The following ANKHD1 variants were observed in gnomAD, a reference collection of about 807,000 sequenced individuals.
The protein encoded by ANKHD1 is ankyrin repeat and KH domain-containing protein 1.
ANKHD1 carries 31 observed loss-of-function variants against 230.5 expected under a neutral mutation model. The observed-to-expected ratio is 0.13, with a 90% CI of 0.10 to 0.18. ANKHD1 has a LOEUF of 0.18. Among genes scored for constraint, ANKHD1 ranks in the 10% least tolerant of loss-of-function variants. ANKHD1 has a pLI of 1.00. For missense variants in ANKHD1, 2,256 were observed against 3,071.3 expected (o/e 0.73, Z 6.27); for synonymous variants, 1,074 against 1,117.6 (o/e 0.96, Z 0.78).
intron 14 of ANKHD1, among the ~76,000 whole-genome samples, chr5:140,488,710 G>T (rs1233554228): frequency 6.6e-6 from 1 of 152,086 alleles, no homozygotes; most frequent in East Asian, 1.9e-4. Context: ...GACGAGCCTG[G>T]CCGACATGGT....
intron 7 of ANKHD1, among the ~76,000 whole-genome samples, chr5:140,454,525 A>G (rs1029823511): frequency 5.3e-5 from 8 of 152,288 alleles, no homozygotes; most frequent in East Asian, 1.9e-4. Flanking sequence ...TCAGACCACA[A>G]TGCAATCAAA....
intron 10 of ANKHD1, chr5:140,465,105 G>A (rs1268144256): frequency 1.2e-5 from 2 of 161,396 alleles, no homozygotes; most frequent in African/African-American, 2.4e-5. Flanking sequence ...AGAGTAACAA[G>A]TCAAGTCACT....
At chr5:140,504,145 G>T (rs1213394105) in intron 15 of ANKHD1, among the ~76,000 whole-genome samples, 1 of 151,746 alleles carries the variant, frequency 6.6e-6, no homozygotes, top group Admixed American at 6.6e-5. Context: ...CTCCACCTGG[G>T]TTCAAGCAAT....
intron 1 of ANKHD1, among the ~76,000 whole-genome samples, chr5:140,430,867 G>A (rs1021730433): frequency 1.3e-5 from 2 of 151,910 alleles, no homozygotes; most frequent in Non-Finnish European, 1.5e-5. Flanking sequence ...GTCTCACTAT[G>A]TTGCCCAGGC....
chr5:140,537,946 C>G, intron 31 of ANKHD1, 140 bp from the exon 32 acceptor site: 2 of 1,346,208 alleles, frequency 1.5e-6, no homozygotes, highest in South Asian at 1.7e-5. Flanking sequence ...TTTTGGCTAG[C>G]AAGACTGTGA....
intron 24 of ANKHD1, among the ~76,000 whole-genome samples, chr5:140,523,028 G>T (rs1283756285): frequency 2.1e-5 from 3 of 140,448 alleles, no homozygotes; most frequent in Non-Finnish European, 4.6e-5. Flanking sequence ...CTTTATTGAG[G>T]TATATTTGAC....
chr5:140,510,537 T>A (rs1025001425), intron 22 of ANKHD1, among the ~76,000 whole-genome samples: 1 of 151,894 alleles, frequency 6.6e-6, no homozygotes, highest in African/African-American at 2.4e-5. Context: ...GGTCTCAAAC[T>A]CCTGACTTTG....
At position 140,416,361 on chromosome 5, in the gene ANKHD1, A is replaced by G. The variant is rs569502546; in HGVS notation, c.306+14088A>G. Among the ~76,000 whole-genome samples, 6 of 152,310 alleles carry G rather than the reference A, an allele frequency of 3.9e-5. No homozygotes were observed. In the East Asian group the frequency reaches 1.2e-3, roughly 29 times the overall value. Reference sequence around the variant, plus strand: ...AGTTCTAGATCCTTGAGGAATCGCCAAGTTAATTTTTGTATATGGTATAAG... The same window carrying G: ...AGTTCTAGATCCTTGAGGAATCGCCGAGTTAATTTTTGTATATGGTATAAG... On this transcript the variant is annotated intron_variant, in intron 1 of 33. Coordinates refer to ENST00000360839, the MANE Select transcript of ANKHD1 (RefSeq NM_017747.3).
chr5:140,443,530 A>T (rs1774031859), intron 5 of ANKHD1, among the ~76,000 whole-genome samples: 1 of 151,972 alleles, frequency 6.6e-6, no homozygotes, highest in African/African-American at 2.4e-5. Context: ...CTCTACTAAA[A>T]ATGCAAAAAA....
intron 3 of ANKHD1, 113 bp downstream of exon 3, chr5:140,438,730 G>A (rs1398187137): frequency 2.2e-6 from 3 of 1,357,278 alleles, no homozygotes; most frequent in Non-Finnish European, 2.9e-6. Context: ...TTAGCTGAAA[G>A]GATATTACAT....
In ANKHD1 at chr5:140,538,168, A is replaced by G; in HGVS notation, c.7311A>G (p.Gln2437=). 1.2e-6 allele frequency: 2 copies of G among 1,614,168 alleles called. No homozygotes were observed. The highest frequency in any genetic ancestry group is 1.7e-6 in the Non-Finnish European group (2 of 1,180,022). Residue 2437 remains glutamine (Q), a synonymous_variant, in exon 32 of 34, where the codon CAA becomes CAG. Coordinates refer to ENST00000360839, the MANE Select transcript of ANKHD1 (RefSeq NM_017747.3). Reference sequence around the variant, plus strand: ...TATCAGACCCAAGCACATTCTCCCAACATCAGCCAATGGAGAGAGATGATT... The same window carrying G: ...TATCAGACCCAAGCACATTCTCCCAGCATCAGCCAATGGAGAGAGATGATT... The part of the protein sequence containing the change: ...QQLSDPSTFS[Q]HQPMERDDSG...
At chr5:140,524,683 C>T (rs1390821420) in intron 25 of ANKHD1, among the ~76,000 whole-genome samples, 1 of 152,142 alleles carries the variant, frequency 6.6e-6, no homozygotes, top group East Asian at 1.9e-4. Flanking sequence ...ATTGTACTGT[C>T]TGGCAGTGCT....
rs886875963 is a variant in ANKHD1 at position 140,431,652 on chromosome 5, G to A, written c.307-4452G>A. Among the ~76,000 whole-genome samples the A allele has an allele frequency of 2.6e-5, 4 of 152,266 alleles. 1 individual carries two copies. The South Asian group carries it at 8.3e-4, about 32-fold the overall frequency. ...TATTATGTCTGAATTTACACACAAT[G>A]CCTGATAGAACTGGTACTTGAACCT... On this transcript the variant is annotated intron_variant, in intron 1 of 33. Coordinates refer to ENST00000360839, the MANE Select transcript of ANKHD1 (RefSeq NM_017747.3).
chr5:140,447,824 T>C (rs1311172129), intron 6 of ANKHD1, among the ~76,000 whole-genome samples: 1 of 152,156 alleles, frequency 6.6e-6, no homozygotes, highest in African/African-American at 2.4e-5. Flanking sequence ...AAGGAGTGCC[T>C]CTCAATTTAG....
intron 1 of ANKHD1, among the ~76,000 whole-genome samples, chr5:140,429,319 C>T (rs1244424233): frequency 1.3e-5 from 2 of 151,110 alleles, no homozygotes; most frequent in South Asian, 2.1e-4. Context: ...GTCTCGATTT[C>T]CTGACCTTGT....
At chr5:140,525,017 G>C in intron 25 of ANKHD1, 1 of 219,586 alleles carries the variant, frequency 4.6e-6, no homozygotes, top group African/African-American at 2.4e-5. Flanking sequence ...TACTCAGGAG[G>C]CTGAGGCAGG....
At chr5:140,404,738 T>C (rs534167538) in intron 1 of ANKHD1, among the ~76,000 whole-genome samples, 3 of 151,934 alleles carry the variant, frequency 2.0e-5, no homozygotes, top group Admixed American at 1.3e-4. Flanking sequence ...ATTTTTTTTT[T>C]TTTTTTGAGA....
chr5:140,428,489 A>T (rs1561706081), intron 1 of ANKHD1, among the ~76,000 whole-genome samples: 1 of 152,226 alleles, frequency 6.6e-6, no homozygotes, highest in Non-Finnish European at 1.5e-5. Flanking sequence ...CACGAAAACC[A>T]GTCAGGCGTG....
intron 1 of ANKHD1, among the ~76,000 whole-genome samples, chr5:140,416,141 C>T (rs4913082): frequency 0.67 from 101,258 of 152,100 alleles, 34,162 homozygotes; most frequent in East Asian, 0.84. Flanking sequence ...GGCTGCATAG[C>T]ATTCCATGGT....
Sources: allele counts gnomAD v4.1 joint callset (sites outside exome capture counted in the v4.1 genomes callset), GRCh38; gene constraint gnomAD v4.1.1; transcripts MANE v1.5; gene names NCBI Gene and HGNC (gene_info 2026-07-23, HGNC 2026-07-21).